The following ETV6 variants were observed in gnomAD, a reference collection of about 807,000 sequenced individuals.
ETV6 encodes the protein transcription factor ETV6.
ETV6 carries 16 observed loss-of-function variants against 51.1 expected under a neutral mutation model. The observed-to-expected ratio is 0.31, with a 90% CI of 0.21 to 0.48. The LOEUF is 0.48. Among genes scored for constraint, ETV6 ranks in the 20% least tolerant of loss-of-function variants. ETV6 has a pLI of 0.99. For synonymous variants in ETV6, 240 were observed against 224.1 expected (o/e 1.07, Z -0.64); for missense variants, 458 against 594.8 (o/e 0.77, Z 2.39).
At chr12:11,790,253 C>T (rs780109003) in intron 2 of ETV6, among the ~76,000 whole-genome samples, 163 of 152,004 alleles carry the variant, frequency 1.1e-3, no homozygotes, top group Non-Finnish European at 7.9e-4. Flanking sequence ...GTCTGTTTTC[C>T]CCACGTTGCC....
At chr12:11,762,884 C>T (rs545021822) in intron 2 of ETV6, among the ~76,000 whole-genome samples, 1 of 152,284 alleles carries the variant, frequency 6.6e-6, no homozygotes, top group African/African-American at 2.4e-5. Context: ...TTAAGTAGCT[C>T]TTAAGTCACC....
intron 1 of ETV6, among the ~76,000 whole-genome samples, chr12:11,744,612 A>T (rs1239146463): frequency 6.6e-6 from 1 of 152,192 alleles, no homozygotes; most frequent in Non-Finnish European, 1.5e-5. Flanking sequence ...TGGCGTTTCC[A>T]GGAGTGGTGA....
intron 2 of ETV6, among the ~76,000 whole-genome samples, chr12:11,806,449 G>A (rs947733387): frequency 2.0e-5 from 3 of 152,198 alleles, no homozygotes; most frequent in Non-Finnish European, 4.4e-5. Context: ...TAACTGAGAA[G>A]CTTATCAGTT....
chr12:11,842,449 CATTGTTTGCTG>C (rs1946406024), intron 3 of ETV6, among the ~76,000 whole-genome samples: 1 of 145,442 alleles, frequency 6.9e-6, no homozygotes, highest in African/African-American at 2.5e-5. Context: ...CAGTGTTATA[CATTGTTTGCTG>C]ATTGTTTGCT....
At chr12:11,819,590 C>T (rs1052349086) in intron 2 of ETV6, among the ~76,000 whole-genome samples, 1 of 152,212 alleles carries the variant, frequency 6.6e-6, no homozygotes, top group Non-Finnish European at 1.5e-5. Flanking sequence ...ATATATCCCC[C>T]GCCAATCCAT....
rs181248808 is a variant in ETV6, at chr12:11,823,772, C to T, written c.164-15368C>T. On this transcript the variant is annotated intron_variant, in intron 2 of 7. Coordinates refer to ENST00000396373, the MANE Select transcript of ETV6 (RefSeq NM_001987.5). ...GAGCCACCGCACCCGGCCAGTAATT[C>T]CTTCTATTTCGATGTTTCATCTTCA... Among the ~76,000 whole-genome samples, 13 of 152,208 alleles carry T rather than the reference C, an allele frequency of 8.5e-5. No individual in the cohort carries two copies. In the East Asian group the frequency reaches 2.5e-3, roughly 29 times the overall value.
intron 2 of ETV6, among the ~76,000 whole-genome samples, chr12:11,815,952 C>T (rs1945987097): frequency 6.6e-6 from 1 of 152,146 alleles, no homozygotes; most frequent in African/African-American, 2.4e-5. Context: ...TTTAATCCTT[C>T]CTGGGATGGC....
chr12:11,877,901 C>T (rs1391781349), intron 5 of ETV6, among the ~76,000 whole-genome samples: 4 of 152,104 alleles, frequency 2.6e-5, no homozygotes, highest in Admixed American at 6.6e-5. Context: ...GTGTCACTGT[C>T]CCCCCCTGCC....
chr12:11,887,740 C>CCAT (rs1194440609), intron 7 of ETV6, among the ~76,000 whole-genome samples: 2 of 146,530 alleles, frequency 1.4e-5, no homozygotes, highest in Admixed American at 6.8e-5. Context: ...GAGCGAGACT[C>CCAT]CATCTCAAGA....
intron 2 of ETV6, among the ~76,000 whole-genome samples, chr12:11,815,381 T>C (rs981491374): frequency 6.4e-4 from 98 of 152,380 alleles, no homozygotes; most frequent in African/African-American, 2.2e-3. Flanking sequence ...AGGATCACCC[T>C]GCAAGGCAAC....
chr12:11,857,550 G>T (rs1946650254), intron 4 of ETV6, among the ~76,000 whole-genome samples: 1 of 152,064 alleles, frequency 6.6e-6, no homozygotes, highest in South Asian at 2.1e-4. Flanking sequence ...TATATAATTA[G>T]GTTAACCTTA....
At chr12:11,709,356 T>A (rs1231754748) in intron 1 of ETV6, among the ~76,000 whole-genome samples, 2 of 152,142 alleles carry the variant, frequency 1.3e-5, no homozygotes, top group Non-Finnish European at 2.9e-5. Context: ...TCCTCTCCTC[T>A]CCTCTCCTCT....
intron 1 of ETV6, among the ~76,000 whole-genome samples, chr12:11,677,056 C>G (rs12424674): frequency 6.6e-6 from 1 of 152,158 alleles, no homozygotes; most frequent in African/African-American, 2.4e-5. Context: ...TACACATAAC[C>G]TGCAGTGGTT....
chr12:11,874,542 GTACACACA>G (rs1946938941), intron 5 of ETV6, among the ~76,000 whole-genome samples: 3 of 4,782 alleles, frequency 6.3e-4, no homozygotes, highest in African/African-American at 1.2e-3. Flanking sequence ...ATGTGCGTGT[GTACACACA>G]TATATGTGTA....
chr12:11,719,978 C>G (rs2120923228), intron 1 of ETV6, among the ~76,000 whole-genome samples: 1 of 152,300 alleles, frequency 6.6e-6, no homozygotes, highest in East Asian at 1.9e-4. Flanking sequence ...TTTACCGCCC[C>G]CTCTCCCACC....
In ETV6 at chr12:11,869,311, G is replaced by A; in HGVS notation, c.464-113G>A. 4 of 866,418 alleles carry A rather than the reference G, an allele frequency of 4.6e-6. No homozygotes were observed. The South Asian group carries it at 5.0e-5, about 11-fold the overall frequency. The allele number at this position is 866,418 out of a possible 1,614,324, so 53.7% of individuals were successfully genotyped here. On this transcript the variant is annotated intron_variant, in intron 4 of 7. Transcript: ENST00000396373. The surrounding 1 kb of genome is among the most constrained non-coding windows in gnomAD (Gnocchi z 5.0). Reference sequence around the variant, plus strand: ...AAAGACACTGCATTCTGGGGAGAAAGGTCCTTTACACATACCTACACGCTC... The same window carrying A: ...AAAGACACTGCATTCTGGGGAGAAAAGTCCTTTACACATACCTACACGCTC...
intron 1 of ETV6, among the ~76,000 whole-genome samples, chr12:11,688,333 C>A (rs945278770): frequency 7.2e-5 from 11 of 152,162 alleles, no homozygotes; most frequent in African/African-American, 2.7e-4. Context: ...GTGGGAGAAC[C>A]AGCGAATGAA....
At chr12:11,858,907 T>C (rs185496428) in intron 4 of ETV6, among the ~76,000 whole-genome samples, 31 of 152,168 alleles carry the variant, frequency 2.0e-4, no homozygotes, top group African/African-American at 5.1e-4. Flanking sequence ...GGCTCAATAA[T>C]TGAGAGAAGT....
chr12:11,863,185 GT>G (rs1946740431), intron 4 of ETV6, among the ~76,000 whole-genome samples: 1 of 152,120 alleles, frequency 6.6e-6, no homozygotes, highest in Admixed American at 6.5e-5. Flanking sequence ...TTGTCTGTTT[GT>G]TTAGGTTTAC....
Sources: allele counts gnomAD v4.1 joint callset (sites outside exome capture counted in the v4.1 genomes callset), GRCh38; gene constraint gnomAD v4.1.1; non-coding constraint Gnocchi (gnomAD v3.1); transcripts MANE v1.5; gene names NCBI Gene and HGNC (gene_info 2026-07-23, HGNC 2026-07-21).